Variants in GREB1L observed in about 807,000 individuals in gnomAD.
GREB1L encodes GREB1 like retinoic acid receptor coactivator.
A neutral mutation model predicts 200.8 loss-of-function variants in GREB1L; 17 were observed. The ratio of observed to expected loss-of-function variants is 0.08; its 90% CI spans 0.06 to 0.13. GREB1L has a LOEUF of 0.13. Ranked by LOEUF, GREB1L falls within the 10% of genes least tolerant of loss-of-function variation. The probability of loss-of-function intolerance (pLI) is 1.00; values close to 1 mark genes in which losing one functional copy is unlikely to be tolerated. For missense variants in GREB1L, 1,657 were observed against 2,367.7 expected (o/e 0.70, Z 6.23); for synonymous variants, 789 against 893.0 (o/e 0.88, Z 2.08).
intron 1 of GREB1L, among the ~76,000 whole-genome samples, chr18:21,311,918 T>C (rs1161894005): frequency 1.3e-5 from 2 of 152,100 alleles, no homozygotes; most frequent in African/African-American, 4.8e-5. Context: ...GTACGGATTA[T>C]TTCATCGCCC....
chr18:21,511,146 G>A (rs1263759420), intron 27 of GREB1L, among the ~76,000 whole-genome samples: 2 of 152,006 alleles, frequency 1.3e-5, no homozygotes, highest in Non-Finnish European at 2.9e-5. Flanking sequence ...AGGCCGAGGC[G>A]GGCAGATCAC....
At chr18:21,409,347 A>C (rs988853762) in intron 7 of GREB1L, among the ~76,000 whole-genome samples, 7 of 152,214 alleles carry the variant, frequency 4.6e-5, no homozygotes, top group African/African-American at 1.7e-4. Flanking sequence ...GGAAGGAAGT[A>C]GATTAGTGCT....
chr18:21,492,191 A>G (rs1010327375), intron 19 of GREB1L, among the ~76,000 whole-genome samples: 1 of 151,678 alleles, frequency 6.6e-6, no homozygotes, highest in African/African-American at 2.4e-5. Context: ...CTAAAAATAC[A>G]AAAAATTAGC....
At chr18:21,493,081 G>A (rs1482912364) in intron 19 of GREB1L, among the ~76,000 whole-genome samples, 2 of 152,196 alleles carry the variant, frequency 1.3e-5, no homozygotes, top group Non-Finnish European at 2.9e-5. Context: ...TCGTAAGCAA[G>A]ACTGAATTGT....
chr18:21,365,395 A>G (rs188412835), intron 1 of GREB1L, among the ~76,000 whole-genome samples: 3 of 152,282 alleles, frequency 2.0e-5, no homozygotes, highest in Admixed American at 6.5e-5. Flanking sequence ...TATATTGACC[A>G]TAATCTATTT....
At chr18:21,515,745 G>A in intron 29 of GREB1L, 101 bp downstream of exon 29, 1 of 848,426 alleles carries the variant, frequency 1.2e-6, no homozygotes, top group Non-Finnish European at 1.8e-6. Flanking sequence ...CTTCAGTTGA[G>A]AAGCTGACTC....
chr18:21,287,282 T>C (rs1352602722), intron 1 of GREB1L, among the ~76,000 whole-genome samples: 1 of 152,212 alleles, frequency 6.6e-6, no homozygotes, highest in African/African-American at 2.4e-5. Context: ...TCTAAAGAAT[T>C]GCATACTCCA....
chr18:21,389,449 A>T (rs1369867774), intron 4 of GREB1L, among the ~76,000 whole-genome samples: 1 of 150,212 alleles, frequency 6.7e-6, no homozygotes, highest in Non-Finnish European at 1.5e-5. Context: ...CATAGAATAC[A>T]GTAATTGTTT....
At chr18:21,288,251 G>C (rs535601380) in intron 1 of GREB1L, among the ~76,000 whole-genome samples, 1 of 151,746 alleles carries the variant, frequency 6.6e-6, no homozygotes, top group Non-Finnish European at 1.5e-5. Context: ...AGAACAAGAA[G>C]ATTATCCAGA....
At chr18:21,470,783 A>ATTT (rs2035452680) in intron 15 of GREB1L, among the ~76,000 whole-genome samples, 3 of 152,360 alleles carry the variant, frequency 2.0e-5, no homozygotes, top group South Asian at 2.1e-4. Flanking sequence ...AGAAAGCACA[A>ATTT]AAATGGAAGC....
At position 21,515,465 on chromosome 18, in the gene GREB1L, T is replaced by A. The variant is rs2037385425; in HGVS notation, c.4950T>A (p.Thr1650=). 1.3e-6 allele frequency: 2 copies of A among 1,551,578 alleles called. No homozygotes were observed. Reference sequence around the variant, plus strand: ...CCAGTAAGAATGTGTCCTTGAAGACTGTCTTGCAGCACATTGAAGCCACAC... The same window carrying A: ...CCAGTAAGAATGTGTCCTTGAAGACAGTCTTGCAGCACATTGAAGCCACAC... The part of the protein sequence containing the change: ...GVSSKNVSLK[T]VLQHIEATPK... The change falls in exon 29 of 33, where the codon ACT becomes ACA. Residue 1650 remains threonine (T), a synonymous_variant. Coordinates refer to ENST00000424526, the MANE Select transcript of GREB1L (RefSeq NM_001142966.3).
intron 16 of GREB1L, among the ~76,000 whole-genome samples, chr18:21,475,984 A>AG (rs1180421081): frequency 6.7e-6 from 1 of 149,394 alleles, no homozygotes; most frequent in African/African-American, 2.4e-5. Flanking sequence ...AAAAAAAAAA[A>AG]AAAAAAAAAA....
chr18:21,298,918 AAGCG>A (rs1329009541), intron 1 of GREB1L, among the ~76,000 whole-genome samples: 8 of 152,096 alleles, frequency 5.3e-5, no homozygotes, highest in African/African-American at 1.4e-4. Context: ...CTGAGCAACC[AAGCG>A]AGACCCTGTC....
At chr18:21,328,422 AG>A (rs2039057428) in intron 1 of GREB1L, among the ~76,000 whole-genome samples, 1 of 152,228 alleles carries the variant, frequency 6.6e-6, no homozygotes, top group African/African-American at 2.4e-5. Flanking sequence ...GAAACTGACC[AG>A]TGGTCCAGCT....
At chr18:21,332,906 C>G (rs1399392149) in intron 1 of GREB1L, among the ~76,000 whole-genome samples, 1 of 151,970 alleles carries the variant, frequency 6.6e-6, no homozygotes, top group Non-Finnish European at 1.5e-5. Context: ...CATAGTGAGA[C>G]CCTGTCTCTA....
intron 23 of GREB1L, among the ~76,000 whole-genome samples, chr18:21,501,557 A>G (rs377259794): frequency 2.0e-5 from 3 of 152,200 alleles, no homozygotes; most frequent in Non-Finnish European, 4.4e-5. Flanking sequence ...TGCAAAGGAC[A>G]TGAACTCATT....
chr18:21,424,136 A>G (rs549554983), intron 7 of GREB1L, among the ~76,000 whole-genome samples: 5 of 152,330 alleles, frequency 3.3e-5, no homozygotes, highest in African/African-American at 1.2e-4. Context: ...GATGTGATGT[A>G]GGGCAACAAA....
rs908768118 is a variant in GREB1L, at chr18:21,524,079, T to C, written c.*1258T>C. ...GTTTACTCTTAAATTACTCCAGTTC[T>C]CATCATTGAACAATCTCTTGAGAGT... On this transcript the variant is annotated 3_prime_UTR_variant, in exon 33 of 33. Coordinates refer to ENST00000424526, the MANE Select transcript of GREB1L (RefSeq NM_001142966.3). The C allele has an allele frequency of 5.9e-5, 9 of 152,246 alleles. No homozygotes were observed. Among genetic ancestry groups the C allele is most frequent in the Admixed American group, 2.6e-4 (4 of 15,286 alleles). The allele number at this position is 152,246 out of a possible 1,614,324, so 9.4% of individuals were successfully genotyped here.
chr18:21,510,733 T>C (rs1463136664), intron 27 of GREB1L, among the ~76,000 whole-genome samples: 1 of 152,188 alleles, frequency 6.6e-6, no homozygotes, highest in Non-Finnish European at 1.5e-5. Context: ...ATGTGGCAAT[T>C]CTATTTTTAA....
Sources: allele counts gnomAD v4.1 joint callset (sites outside exome capture counted in the v4.1 genomes callset), GRCh38; gene constraint gnomAD v4.1.1; transcripts MANE v1.5; gene names NCBI Gene and HGNC (gene_info 2026-07-23, HGNC 2026-07-21).